The following OTUD7A variants were observed in gnomAD, a reference collection of about 807,000 sequenced individuals.
OTUD7A encodes OTU deubiquitinase 7A, also known as OTU domain-containing protein 7A.
OTUD7A carries 12 observed loss-of-function variants against 65.7 expected under a neutral mutation model. The ratio of observed to expected loss-of-function variants is 0.18; its 90% confidence interval spans 0.12 to 0.30. The LOEUF is 0.30. OTUD7A is among the 10% of genes least tolerant of loss of function. The pLI is 1.00. For synonymous variants in OTUD7A, 641 were observed against 586.3 expected (o/e 1.09, Z -1.35); for missense variants, 1,148 against 1,304.8 (o/e 0.88, Z 1.85).
chr15:31,689,384 G>A (rs1051485068), intron 1 of OTUD7A: 5 of 151,054 alleles, frequency 3.3e-5, no homozygotes, highest in Admixed American at 2.6e-4. Context: ...TTCTGGAGGT[G>A]TGTGGCAGTC....
intron 3 of OTUD7A, among the ~76,000 whole-genome samples, chr15:31,601,619 T>G (rs1890078041): frequency 6.6e-6 from 1 of 151,606 alleles, no homozygotes; most frequent in Non-Finnish European, 1.5e-5. Context: ...AGAGCAGAAC[T>G]GAAGGAGATA....
chr15:31,755,098 T>G (rs1231715314), intron 1 of OTUD7A, among the ~76,000 whole-genome samples: 1 of 149,804 alleles, frequency 6.7e-6, no homozygotes, highest in African/African-American at 2.5e-5. Context: ...AGAAGAGAGA[T>G]AATTCTATTT....
chr15:31,865,576 G>C (rs1310214704), intron 1 of OTUD7A, among the ~76,000 whole-genome samples: 1 of 152,196 alleles, frequency 6.6e-6, no homozygotes, highest in Non-Finnish European at 1.5e-5. Flanking sequence ...GAAATTATTT[G>C]GGTAAATTAT....
chr15:31,703,084 C>T (rs1458398792), intron 1 of OTUD7A, among the ~76,000 whole-genome samples: 1 of 151,892 alleles, frequency 6.6e-6, no homozygotes. Flanking sequence ...AGTCTCATAC[C>T]TTGTATACAG....
At chr15:31,709,812 GTA>G (rs1392107324) in intron 1 of OTUD7A, among the ~76,000 whole-genome samples, 1 of 151,844 alleles carries the variant, frequency 6.6e-6, no homozygotes, top group Non-Finnish European at 1.5e-5. Flanking sequence ...AAATATATGT[GTA>G]TATATATATA....
intron 3 of OTUD7A, among the ~76,000 whole-genome samples, chr15:31,642,230 A>G (rs1891538103): frequency 6.6e-6 from 1 of 152,204 alleles, no homozygotes; most frequent in Non-Finnish European, 1.5e-5. Context: ...TGATTTTTGA[A>G]TGTTAAACTA....
chr15:31,698,398 A>T (rs1768692643), intron 1 of OTUD7A, among the ~76,000 whole-genome samples: 1 of 152,036 alleles, frequency 6.6e-6, no homozygotes, highest in African/African-American at 2.4e-5. Context: ...AGTTCACCCA[A>T]CCCATGTGGC....
intron 1 of OTUD7A, among the ~76,000 whole-genome samples, chr15:31,694,768 C>G (rs145506802): frequency 2.6e-5 from 4 of 152,260 alleles, no homozygotes; most frequent in African/African-American, 9.6e-5. Flanking sequence ...CCTCCAGGTT[C>G]ATTCTTGCCG....
intron 8 of OTUD7A, among the ~76,000 whole-genome samples, chr15:31,525,743 C>T (rs527973880): frequency 1.3e-5 from 2 of 152,362 alleles, no homozygotes; most frequent in African/African-American, 4.8e-5. Context: ...GGTCTGGCCA[C>T]GGTCTTCATT....
chr15:31,713,991 A>C (rs12594108), intron 1 of OTUD7A, among the ~76,000 whole-genome samples: 17,742 of 143,158 alleles, frequency 0.12, 1,600 homozygotes, highest in East Asian at 0.49. Flanking sequence ...GTGTTGGCAA[A>C]GATGTGACGC....
At chr15:31,583,515 A>T (rs972600696) in intron 3 of OTUD7A, among the ~76,000 whole-genome samples, 2 of 152,064 alleles carry the variant, frequency 1.3e-5, no homozygotes, top group Non-Finnish European at 2.9e-5. Context: ...AGACAATTGA[A>T]TCATGGGGGT....
At chr15:31,547,354 A>G (rs951752884) in intron 5 of OTUD7A, among the ~76,000 whole-genome samples, 3 of 151,954 alleles carry the variant, frequency 2.0e-5, no homozygotes, top group African/African-American at 7.3e-5. Flanking sequence ...TTAACATCAC[A>G]TGTTTCTTAT....
Position 31,819,728 on chromosome 15 carries a change from G to T in OTUD7A, c.-100+50779C>A, listed in dbSNP as rs1313249093. The stretch of plus-strand genomic sequence containing the variant: ...ATATACATACTTATATATTATACAG[G>T]TAACATAAACTAAATATACTACATT... On this transcript the variant is annotated intron_variant, in intron 1 of 12. Transcript: ENST00000307050. Among the ~76,000 whole-genome samples, 8 of 151,372 alleles carry T rather than the reference G, an allele frequency of 5.3e-5. No individual in the cohort carries two copies. In the South Asian group the frequency reaches 6.2e-4, roughly 12 times the overall value.
chr15:31,774,227 G>A (rs919452422), intron 1 of OTUD7A, among the ~76,000 whole-genome samples: 2 of 152,206 alleles, frequency 1.3e-5, no homozygotes, highest in East Asian at 1.9e-4. Flanking sequence ...AAATTCTGAC[G>A]AGCAAGGTGC....
chr15:31,835,281 A>C (rs1227699961), intron 1 of OTUD7A, among the ~76,000 whole-genome samples: 1 of 152,262 alleles, frequency 6.6e-6, no homozygotes, highest in Non-Finnish European at 1.5e-5. Flanking sequence ...TTTTAGTATA[A>C]CCATGTCCCA....
chr15:31,521,259 A>G (rs1325502177), intron 8 of OTUD7A, among the ~76,000 whole-genome samples: 2 of 152,202 alleles, frequency 1.3e-5, no homozygotes, highest in African/African-American at 2.4e-5. Flanking sequence ...TGTATCCCCT[A>G]AACATATTTA....
At chr15:31,537,770 G>T (rs1566909579) in intron 5 of OTUD7A, among the ~76,000 whole-genome samples, 1 of 152,262 alleles carries the variant, frequency 6.6e-6, no homozygotes, top group African/African-American at 2.4e-5. Flanking sequence ...AAAGTGGGCA[G>T]CCTTGTTCAT....
intron 1 of OTUD7A, among the ~76,000 whole-genome samples, chr15:31,721,528 T>C (rs1303236192): frequency 2.6e-5 from 4 of 151,956 alleles, no homozygotes; most frequent in African/African-American, 9.7e-5. Context: ...CTTACAGTGG[T>C]CTTCAGCCAC....
intron 1 of OTUD7A, among the ~76,000 whole-genome samples, chr15:31,855,298 C>G (rs1897540323): frequency 6.6e-6 from 1 of 152,138 alleles, no homozygotes; most frequent in Non-Finnish European, 1.5e-5. Flanking sequence ...TAACTCTGTG[C>G]TAAAAGACAG....
Sources: allele counts gnomAD v4.1 joint callset (sites outside exome capture counted in the v4.1 genomes callset), GRCh38; gene constraint gnomAD v4.1.1; transcripts MANE v1.5; gene names NCBI Gene and HGNC (gene_info 2026-07-23, HGNC 2026-07-21).